Variants in BCKDHB observed in about 807,000 individuals in gnomAD.
BCKDHB encodes 2-oxoisovalerate dehydrogenase subunit beta, mitochondrial.
In BCKDHB, 41 loss-of-function variants were observed where a neutral mutation model predicts 48.5. The ratio of observed to expected loss-of-function variants is 0.85; its 90% CI spans 0.66 to 1.10. BCKDHB has a LOEUF of 1.10. BCKDHB is among the 50% of genes least tolerant of loss of function. BCKDHB has a pLI of 0.00. For synonymous variants in BCKDHB, 201 were observed against 174.8 expected (o/e 1.15, Z -1.18); for missense variants, 496 against 494.2 (o/e 1.00, Z -0.03).
At position 80,129,212 on chromosome 6, in the gene BCKDHB, G is replaced by A; in HGVS notation, c.326G>A (p.Gly109Asp). The change falls in exon 3 of 10, where the codon GGC becomes GAC. Residue 109 changes from glycine to aspartate, a missense_variant. Physicochemically the swap from Gly to Asp is moderately conservative, Grantham distance 94. Transcript: ENST00000320393. ...GGTGGAGTCTTTAGATGCACTGTTG[G>A]CTTGCGAGACAAATATGGTAAGTAA... Reference protein sequence around the residue: ...AFGGVFRCTVGLRDKYGKDRV... With the variant: ...AFGGVFRCTVDLRDKYGKDRV... 1.2e-6 allele frequency: 2 copies of A among 1,611,038 alleles called. No individual in the cohort carries two copies. The highest frequency in any genetic ancestry group is 1.7e-6 in the Non-Finnish European group (2 of 1,177,912).
chr6:80,357,233 T>G, the BCKDHB span, among the ~76,000 whole-genome samples: 1 of 152,072 alleles, frequency 6.6e-6, no homozygotes, highest in East Asian at 1.9e-4. Flanking sequence ...TCATTACCAT[T>G]CCCTTGCCTG....
the BCKDHB span, among the ~76,000 whole-genome samples, chr6:80,389,065 C>T: frequency 6.6e-6 from 1 of 152,206 alleles, no homozygotes; most frequent in African/African-American, 2.4e-5. Context: ...ATGGAAACCT[C>T]TGTGAGTGGC....
chr6:80,463,932 C>T, the BCKDHB span, among the ~76,000 whole-genome samples: 9 of 152,188 alleles, frequency 5.9e-5, no homozygotes, highest in African/African-American at 2.2e-4. Context: ...TTGTGTCCAG[C>T]ATTCCCTTGG....
Position 80,344,091 on chromosome 6 carries a change from T to G in BCKDHB, c.*287T>G. 1 of 412,964 alleles carries G rather than the reference T, an allele frequency of 2.4e-6. No individual in the cohort carries two copies. The highest frequency in any genetic ancestry group is 4.5e-6 in the Non-Finnish European group (1 of 221,084). 25.6% of individuals were successfully genotyped at this position (412,964 alleles called of 1,614,324 possible). On this transcript the variant is annotated 3_prime_UTR_variant, in exon 10 of 10. Coordinates refer to ENST00000320393, the MANE Select transcript of BCKDHB (RefSeq NM_183050.4). ...TCTCAGCTCACTGCAACCTCCCCCCTACCCCTGAGTTCAAGCGATTCTCCT... is the reference window on the plus strand; with the variant it reads ...TCTCAGCTCACTGCAACCTCCCCCCGACCCCTGAGTTCAAGCGATTCTCCT...
the BCKDHB span, among the ~76,000 whole-genome samples, chr6:80,373,816 A>G: frequency 3.9e-5 from 6 of 152,218 alleles, no homozygotes; most frequent in East Asian, 1.2e-3. Context: ...CTGATACAAG[A>G]ATAGCTACTC....
At chr6:80,285,892 GA>G (rs1766603834) in intron 9 of BCKDHB, among the ~76,000 whole-genome samples, 1 of 151,928 alleles carries the variant, frequency 6.6e-6, no homozygotes. Context: ...AATACCATTC[GA>G]AAAGCATTTG....
chr6:80,278,506 G>C (rs1430235276), intron 9 of BCKDHB, among the ~76,000 whole-genome samples: 4 of 152,082 alleles, frequency 2.6e-5, no homozygotes, highest in Non-Finnish European at 5.9e-5. Context: ...ACCACACCTG[G>C]TCTGCTTCCA....
At chr6:80,438,013 G>A in the BCKDHB span, among the ~76,000 whole-genome samples, 3 of 152,100 alleles carry the variant, frequency 2.0e-5, no homozygotes, top group African/African-American at 4.8e-5. Context: ...TGTGGATGTC[G>A]CTTATTACGC....
At chr6:80,359,109 G>T in the BCKDHB span, among the ~76,000 whole-genome samples, 1 of 152,114 alleles carries the variant, frequency 6.6e-6, no homozygotes. Context: ...TGGGTCTGAG[G>T]CCTGCACGTG....
chr6:80,245,954 G>A (rs1220066702), intron 8 of BCKDHB, among the ~76,000 whole-genome samples: 4 of 152,140 alleles, frequency 2.6e-5, no homozygotes, highest in African/African-American at 7.2e-5. Context: ...GTATGTGCCT[G>A]TGGTCCAGCT....
chr6:80,190,542 T>C (rs1773846859), intron 6 of BCKDHB, among the ~76,000 whole-genome samples: 1 of 152,156 alleles, frequency 6.6e-6, no homozygotes, highest in South Asian at 2.1e-4. Flanking sequence ...AGCAGTCACA[T>C]TGAGTTGTAA....
the BCKDHB span, among the ~76,000 whole-genome samples, chr6:80,357,790 G>T: frequency 3.3e-5 from 5 of 152,138 alleles, no homozygotes; most frequent in Non-Finnish European, 5.9e-5. Context: ...AGTTTTCTGC[G>T]CAATCCTGGA....
chr6:80,213,186 A>T (rs1286570107), intron 8 of BCKDHB, among the ~76,000 whole-genome samples: 1 of 152,222 alleles, frequency 6.6e-6, no homozygotes, highest in Non-Finnish European at 1.5e-5. Context: ...GTAACTTTAG[A>T]ACAGTATTCT....
At chr6:80,430,200 T>C in the BCKDHB span, among the ~76,000 whole-genome samples, 2 of 152,212 alleles carry the variant, frequency 1.3e-5, no homozygotes, top group Non-Finnish European at 1.5e-5. Context: ...CAGCCTTGCG[T>C]CCCAGGTATG....
intron 9 of BCKDHB, among the ~76,000 whole-genome samples, chr6:80,313,230 A>G (rs908346954): frequency 7.9e-5 from 12 of 152,132 alleles, no homozygotes; most frequent in African/African-American, 2.9e-4. Context: ...TGTTCATAGT[A>G]TTCTCTAATG....
intron 8 of BCKDHB, among the ~76,000 whole-genome samples, chr6:80,215,836 G>A (rs1281080415): frequency 6.6e-6 from 1 of 152,152 alleles, no homozygotes; most frequent in East Asian, 1.9e-4. Flanking sequence ...CCGCCTCTGG[G>A]GTTCAAGCCA....
At chr6:80,361,740 C>G in the BCKDHB span, among the ~76,000 whole-genome samples, 1 of 152,142 alleles carries the variant, frequency 6.6e-6, no homozygotes, top group African/African-American at 2.4e-5. Context: ...AAAAATGGAG[C>G]CTCTGTTACA....
the BCKDHB span, among the ~76,000 whole-genome samples, chr6:80,396,805 T>A: frequency 6.6e-6 from 1 of 152,226 alleles, no homozygotes; most frequent in Non-Finnish European, 1.5e-5. Context: ...GTCATGATTG[T>A]AAGTTTCCTG....
At chr6:80,448,306 A>G in the BCKDHB span, among the ~76,000 whole-genome samples, 1 of 152,202 alleles carries the variant, frequency 6.6e-6, no homozygotes, top group Non-Finnish European at 1.5e-5. Context: ...AACCAGAGAT[A>G]GGTTTTAGGA....
Sources: allele counts gnomAD v4.1 joint callset (sites outside exome capture counted in the v4.1 genomes callset), GRCh38; gene constraint gnomAD v4.1.1; transcripts MANE v1.5; gene names NCBI Gene and HGNC (gene_info 2026-07-23, HGNC 2026-07-21).